MRC2: variants seen among roughly 807,000 people sequenced by gnomAD.
MRC2 encodes mannose receptor C-type 2.
MRC2 carries 84 observed loss-of-function variants against 206.2 expected under a neutral mutation model. The ratio of observed to expected loss-of-function variants is 0.41; its 90% confidence interval spans 0.34 to 0.49. The LOEUF (loss-of-function observed/expected upper bound fraction) is 0.49. Ranked by LOEUF, MRC2 falls within the 20% of genes least tolerant of loss-of-function variation. The pLI is 0.31. For missense variants in MRC2, 1,676 were observed against 2,001.5 expected (o/e 0.84, Z 3.10); for synonymous variants, 798 against 800.0 (o/e 1.00, Z 0.04).
intron 9 of MRC2, 86 bp downstream of exon 9, chr17:62,674,256 C>T: frequency 2.1e-6 from 2 of 970,094 alleles, no homozygotes; most frequent in Admixed American, 2.7e-5. Flanking sequence ...ACTCCTGCTG[C>T]CTCGCATGGC....
intron 1 of MRC2, among the ~76,000 whole-genome samples, chr17:62,648,711 TCGG>T (rs937197580): frequency 2.0e-5 from 3 of 152,066 alleles, no homozygotes; most frequent in African/African-American, 4.8e-5. Context: ...GGAATTGGGG[TCGG>T]GGGAGGACTT....
At chr17:62,643,327 C>CAAAAAAAAAAAA (rs59698063) in intron 1 of MRC2, among the ~76,000 whole-genome samples, 3 of 44,132 alleles carry the variant, frequency 6.8e-5, no homozygotes, top group African/African-American at 1.2e-4. Flanking sequence ...GAAACTCCGT[C>CAAAAAAAAAAAA]AAAAAAAAAA....
chr17:62,633,962 C>G (rs138008874), intron 1 of MRC2, among the ~76,000 whole-genome samples: 42 of 148,952 alleles, frequency 2.8e-4, no homozygotes, highest in Non-Finnish European at 4.9e-4. Flanking sequence ...GAATTTGAGG[C>G]GAATCCATAG....
intron 1 of MRC2, among the ~76,000 whole-genome samples, chr17:62,657,228 C>A: frequency 6.6e-6 from 1 of 152,202 alleles, no homozygotes. Flanking sequence ...CATTGTAGAG[C>A]CCAGCGCCCT....
Position 62,674,149 on chromosome 17 carries a change from G to A in MRC2, c.1548G>A (p.Glu516=). The change falls in exon 9 of 30, where the codon GAG becomes GAA. Residue 516 remains glutamate, a synonymous_variant. Coordinates refer to ENST00000303375, the MANE Select transcript of MRC2 (RefSeq NM_006039.5). ...GCCAGCTGAGCCAGGGGGCCGCCGA[G>A]GAGGACCATGGCTGCCGGAAGGTGA... ...KAGQLSQGAA[E]EDHGCRKGWT... is the part of the protein sequence containing the mutation. The A allele has an allele frequency of 1.3e-6, 2 of 1,551,632 alleles. No homozygotes were observed. Among genetic ancestry groups the A allele is most frequent in the South Asian group, 1.2e-5 (1 of 84,064 alleles).
At position 62,692,540 on chromosome 17, in the gene MRC2, T is replaced by G; in HGVS notation, c.*89T>G. On this transcript the variant is annotated 3_prime_UTR_variant, in exon 30 of 30. Transcript: ENST00000303375. This position sits in a 1 kb window ranked among gnomAD's most constrained non-coding sequence, Gnocchi z 4.2. ...GGCCCCCCACCAGCTGCCTGTCCAG[T>G]TGGCCTATGGAAGGGTGCCCTTGGG... 1 of 1,348,270 alleles carries G rather than the reference T, an allele frequency of 7.4e-7. No homozygotes were observed. Among genetic ancestry groups the G allele is most frequent in the Non-Finnish European group, 1.0e-6 (1 of 987,440 alleles). 83.5% of individuals were successfully genotyped at this position (1,348,270 alleles called of 1,614,324 possible). A position where few individuals can be genotyped will look rare whatever the true frequency, so the allele number is the denominator to read the frequency against.
chr17:62,639,053 G>T (rs1450308507), intron 1 of MRC2, among the ~76,000 whole-genome samples: 1 of 152,184 alleles, frequency 6.6e-6, no homozygotes, highest in Non-Finnish European at 1.5e-5. Context: ...GCAAGGATTG[G>T]GCCGGGCACA....
In MRC2 at chr17:62,693,190, G is replaced by A. The variant is rs999299550; in HGVS notation, c.*739G>A. The A allele has an allele frequency of 2.6e-5, 4 of 152,776 alleles. No individual in the cohort carries two copies. Among genetic ancestry groups the A allele is most frequent in the East Asian group, 1.9e-4 (1 of 5,178 alleles). 9.5% of individuals were successfully genotyped at this position (152,776 alleles called of 1,614,324 possible). ...GCTGGGATGTCATCTCCTGCCGGGC[G>A]GGGGAGGGCTCTGCCCCTGGAAGAG... On this transcript the variant is annotated 3_prime_UTR_variant, in exon 30 of 30. Transcript: ENST00000303375.
chr17:62,651,717 A>G (rs2088558234), intron 1 of MRC2, among the ~76,000 whole-genome samples: 1 of 151,976 alleles, frequency 6.6e-6, no homozygotes, highest in Non-Finnish European at 1.5e-5. Context: ...ACACCACCAC[A>G]TCTGCCACCA....
Position 62,680,678 on chromosome 17 carries a change from G to A in MRC2, c.2474-122G>A. ...CCTGGCACGGTGCCTGCCTGGGTCC[G>A]GTGTGCCTGCAGGCTCGCCTGCTGC... On this transcript the variant is annotated intron_variant, in intron 16 of 29. Coordinates refer to ENST00000303375, the MANE Select transcript of MRC2 (RefSeq NM_006039.5). This position sits in a 1 kb window ranked among gnomAD's most constrained non-coding sequence, Gnocchi z 4.8. The A allele has an allele frequency of 4.6e-6, 6 of 1,316,712 alleles. No individual in the cohort carries two copies. Among genetic ancestry groups the A allele is most frequent in the Non-Finnish European group, 6.0e-6 (6 of 998,984 alleles). The allele number at this position is 1,316,712 out of a possible 1,614,324, so 81.6% of individuals were successfully genotyped here.
At chr17:62,665,042 C>A in intron 2 of MRC2, 93 bp downstream of exon 2, 1 of 1,327,800 alleles carries the variant, frequency 7.5e-7, no homozygotes, top group Non-Finnish European at 1.0e-6. Context: ...AGGCCTTTGG[C>A]CTCTGTGGAC....
intron 6 of MRC2, among the ~76,000 whole-genome samples, chr17:62,670,444 A>T (rs1338483291): frequency 6.6e-6 from 1 of 152,248 alleles, no homozygotes; most frequent in Non-Finnish European, 1.5e-5. Flanking sequence ...CTCCAGGAGC[A>T]GGTGTGGCTG....
intron 1 of MRC2, among the ~76,000 whole-genome samples, chr17:62,648,362 C>T (rs1311405208): frequency 3.9e-5 from 6 of 152,240 alleles, no homozygotes; most frequent in Non-Finnish European, 5.9e-5. Flanking sequence ...CGCAAGGGTC[C>T]TGGTGAGGGT....
chr17:62,648,287 C>T (rs937731784), intron 1 of MRC2, among the ~76,000 whole-genome samples: 17 of 152,318 alleles, frequency 1.1e-4, no homozygotes, highest in African/African-American at 4.1e-4. Context: ...GCCTGTAATC[C>T]CAGCTACTCA....
chr17:62,681,897 C>T lies in MRC2; in HGVS notation c.2763C>T (p.Val921=), dbSNP rs146832957. 3 of 1,613,912 alleles carry T rather than the reference C, an allele frequency of 1.9e-6. No individual in the cohort carries two copies. The highest frequency in any genetic ancestry group is 2.2e-5 in the East Asian group (1 of 44,884). The stretch of plus-strand genomic sequence containing the variant: ...GGGCACCAGGCAAACCTCGGCCTGT[C>T]GGCAAGGACAAGAAGTGCGTGTACA... The part of the protein sequence containing the change: ...ISWAPGKPRP[V]GKDKKCVYMT... The change falls in exon 19 of 30, where the codon GTC becomes GTT. Residue 921 remains valine (V), a synonymous_variant. Coordinates refer to ENST00000303375, the MANE Select transcript of MRC2 (RefSeq NM_006039.5).
At chr17:62,646,313 C>G (rs184402922) in intron 1 of MRC2, among the ~76,000 whole-genome samples, 1 of 152,162 alleles carries the variant, frequency 6.6e-6, no homozygotes, top group South Asian at 2.1e-4. Context: ...CGTGAGCCAC[C>G]GCGCCCGGCC....
intron 1 of MRC2, among the ~76,000 whole-genome samples, chr17:62,638,912 C>G (rs576300384): frequency 6.6e-6 from 1 of 151,600 alleles, no homozygotes; most frequent in East Asian, 2.0e-4. Context: ...AAGCGAGACT[C>G]TGTCTCAAAA....
chr17:62,635,191 C>CTTTTTTTTTTTTTTT (rs35446845), intron 1 of MRC2, among the ~76,000 whole-genome samples: 1 of 101,734 alleles, frequency 9.8e-6, no homozygotes, highest in African/African-American at 3.8e-5. Flanking sequence ...CTATTTTTCT[C>CTTTTTTTTTTTTTTT]TTTTTTTTTT....
At chr17:62,662,097 A>G (rs1290313765) in intron 1 of MRC2, among the ~76,000 whole-genome samples, 7 of 152,084 alleles carry the variant, frequency 4.6e-5, no homozygotes, top group Admixed American at 4.6e-4. Context: ...AAAATACAAA[A>G]AAATTAGCCA....
Sources: gnomAD v4.1 joint callset for allele counts (sites outside exome capture counted in the v4.1 genomes callset) on GRCh38, gnomAD v4.1.1 for gene constraint, Gnocchi (gnomAD v3.1) non-coding constraint, MANE v1.5 for transcripts, NCBI Gene and HGNC (gene_info 2026-07-23, HGNC 2026-07-21) for gene names.